NFIB: variants seen among roughly 807,000 people sequenced by gnomAD.
NFIB encodes nuclear factor 1 B-type.
Under a neutral mutation model 61.5 loss-of-function variants are expected in NFIB, and 11 were observed. The ratio of observed to expected loss-of-function variants is 0.18; its 90% confidence interval spans 0.11 to 0.30. NFIB has a LOEUF of 0.30. Among genes scored for constraint, NFIB ranks in the 10% least tolerant of loss-of-function variants. The pLI is 1.00. For synonymous variants in NFIB, 260 were observed against 216.5 expected, an observed-to-expected ratio of 1.20 and a Z score of -1.76; for missense variants, 471 against 608.9, an observed-to-expected ratio of 0.77 and a Z score of 2.38.
chr9:14,262,492 A>T (rs893773824), intron 2 of NFIB, among the ~76,000 whole-genome samples: 2 of 152,218 alleles, frequency 1.3e-5, no homozygotes, highest in Non-Finnish European at 2.9e-5. Flanking sequence ...TTATGGAATG[A>T]ACTCCCCACA....
chr9:14,320,744 C>T (rs932222905), intron 1 of NFIB, among the ~76,000 whole-genome samples: 2 of 152,168 alleles, frequency 1.3e-5, no homozygotes, highest in Non-Finnish European at 2.9e-5. Flanking sequence ...CATAAGCATG[C>T]GTGTGTTACT....
At chr9:14,151,707 AT>A in intron 4 of NFIB, among the ~76,000 whole-genome samples, 1 of 152,234 alleles carries the variant, frequency 6.6e-6, no homozygotes, top group South Asian at 2.1e-4. Flanking sequence ...GGTAGAGATA[AT>A]GTGCAAAGTG....
At position 14,198,770 on chromosome 9, in the gene NFIB, G is replaced by C. The variant is rs149107663; in HGVS notation, c.563-18990C>G. 5.6e-4 allele frequency among the ~76,000 whole-genome samples: 86 copies of C among 152,260 alleles called. No individual in the cohort carries two copies. In the East Asian group the frequency reaches 0.016, roughly 28 times the overall value. ...ACAAGGGACTTGGCTGCTGATGCTT[G>C]CTCACAGACACCAAACTGGAAAGCA... On this transcript the variant is annotated intron_variant, in intron 2 of 10. Coordinates refer to ENST00000380953, the MANE Select transcript of NFIB (RefSeq NM_001190737.2).
the NFIB span, among the ~76,000 whole-genome samples, chr9:14,445,208 ATAAT>A: frequency 2.0e-5 from 3 of 152,144 alleles, no homozygotes; most frequent in African/African-American, 7.2e-5. Flanking sequence ...ATTAATTCTG[ATAAT>A]TAACCTGTAT....
intron 2 of NFIB, among the ~76,000 whole-genome samples, chr9:14,226,549 G>GAAAAAAAAAAAAAAACAAAAAAAAA (rs79951404): frequency 1.1e-5 from 1 of 89,378 alleles, no homozygotes; most frequent in South Asian, 3.1e-4. Context: ...CCCTATCTCA[G>GAAAAAAAAAAAAAAACAAAAAAAAA]AAAAAAAAAA....
chr9:14,456,585 G>C, the NFIB span, among the ~76,000 whole-genome samples: 1 of 152,120 alleles, frequency 6.6e-6, no homozygotes, highest in African/African-American at 2.4e-5. Context: ...CATATGAAAG[G>C]ATGCTCAGCC....
At chr9:14,277,902 C>T (rs143228151) in intron 2 of NFIB, among the ~76,000 whole-genome samples, 87 of 152,200 alleles carry the variant, frequency 5.7e-4, no homozygotes, top group Non-Finnish European at 9.7e-4. Flanking sequence ...TTCTGTTTCT[C>T]GTGACTTGAA....
At chr9:14,112,515 T>C (rs970994985) in intron 10 of NFIB, among the ~76,000 whole-genome samples, 1 of 152,200 alleles carries the variant, frequency 6.6e-6, no homozygotes, top group African/African-American at 2.4e-5. Flanking sequence ...GCTATTAAAA[T>C]AATAGGAATG....
chr9:14,385,936 C>T (rs1250426706), intron 1 of NFIB, among the ~76,000 whole-genome samples: 79 of 151,930 alleles, frequency 5.2e-4, no homozygotes, highest in Non-Finnish European at 4.4e-5. Context: ...GCATGTTCCA[C>T]GGCACCCAGC....
chr9:14,468,147 A>G, the NFIB span, among the ~76,000 whole-genome samples: 6 of 152,224 alleles, frequency 3.9e-5, no homozygotes, highest in Admixed American at 2.0e-4. Flanking sequence ...TGACAAAGCC[A>G]CTCACCAAGG....
At chr9:14,173,475 T>C (rs865804090) in intron 3 of NFIB, among the ~76,000 whole-genome samples, 6 of 152,156 alleles carry the variant, frequency 3.9e-5, no homozygotes, top group African/African-American at 1.2e-4. Flanking sequence ...ATTTTGTAGA[T>C]TTTATGAACA....
chr9:14,393,563 C>T (rs1291150584), intron 1 of NFIB, among the ~76,000 whole-genome samples: 2 of 152,166 alleles, frequency 1.3e-5, no homozygotes, highest in Non-Finnish European at 2.9e-5. Context: ...TAACCTTTTC[C>T]ACATTTAGCT....
intron 6 of NFIB, 98 bp downstream of exon 6, chr9:14,146,591 T>A: frequency 6.6e-7 from 1 of 1,511,752 alleles, no homozygotes; most frequent in Admixed American, 1.8e-5. Flanking sequence ...AAATATACAA[T>A]CCATATTGGT....
chr9:14,228,478 G>A (rs779111729), intron 2 of NFIB, among the ~76,000 whole-genome samples: 21 of 152,116 alleles, frequency 1.4e-4, no homozygotes, highest in Non-Finnish European at 2.2e-4. Flanking sequence ...AACCGCATCC[G>A]GCCACGATTC....
In NFIB at chr9:14,233,421, CTTTTTTT is replaced by C. The variant is rs766595252; in HGVS notation, c.563-53648_563-53642del. On this transcript the variant is annotated intron_variant, in intron 2 of 10. Coordinates refer to ENST00000380953, the MANE Select transcript of NFIB (RefSeq NM_001190737.2). ...AGTATTTAGCTCTTTTGCTATTATTCTTTTTTTTTTTTTTTTTTTTTTTTAAGATGGA... is the reference window on the plus strand; with the variant it reads ...AGTATTTAGCTCTTTTGCTATTATTCTTTTTTTTTTTTTTTTTAAGATGGA... Among the ~76,000 whole-genome samples the C allele has an allele frequency of 6.4e-5, 7 of 109,126 alleles. No individual in the cohort carries two copies. The East Asian group carries it at 1.4e-3, about 21-fold the overall frequency. 71.6% of individuals were successfully genotyped at this position (109,126 alleles called of 152,430 possible). A position where few individuals can be genotyped will look rare whatever the true frequency, so the allele number is the denominator to read the frequency against.
At chr9:14,214,165 G>T (rs2050607317) in intron 2 of NFIB, among the ~76,000 whole-genome samples, 1 of 152,056 alleles carries the variant, frequency 6.6e-6, no homozygotes, top group South Asian at 2.1e-4. Flanking sequence ...AAAGCCCAAA[G>T]AGAGAACCTG....
chr9:14,417,460 A>G, the NFIB span, among the ~76,000 whole-genome samples: 1 of 152,180 alleles, frequency 6.6e-6, no homozygotes, highest in Non-Finnish European at 1.5e-5. Flanking sequence ...ATTCATCGTG[A>G]CTGTATCAGT....
the NFIB span, among the ~76,000 whole-genome samples, chr9:14,459,743 T>C: frequency 3.3e-5 from 5 of 151,552 alleles, no homozygotes; most frequent in East Asian, 5.8e-4. Context: ...AAGACATTTA[T>C]GCAGCCAAAA....
At chr9:14,475,901 A>G in the NFIB span, among the ~76,000 whole-genome samples, 1 of 152,180 alleles carries the variant, frequency 6.6e-6, no homozygotes, top group Non-Finnish European at 1.5e-5. Context: ...GGGGAAAGGA[A>G]TTCAATTTGG....
Sources: allele counts gnomAD v4.1 joint callset (sites outside exome capture counted in the v4.1 genomes callset), GRCh38; gene constraint gnomAD v4.1.1; transcripts MANE v1.5; gene names NCBI Gene and HGNC (gene_info 2026-07-23, HGNC 2026-07-21).